The following SSH2 variants were observed in gnomAD, a reference collection of about 807,000 sequenced individuals.
SSH2 encodes the protein slingshot protein phosphatase 2.
Under a neutral mutation model 135.2 loss-of-function variants are expected in SSH2, and 37 were observed. The observed-to-expected ratio is 0.27, with a 90% confidence interval of 0.21 to 0.36. The LOEUF (loss-of-function observed/expected upper bound fraction) is 0.36, where lower values mean the gene tolerates loss of function less well. Among genes scored for constraint, SSH2 ranks in the 10% least tolerant of loss-of-function variants. The probability of loss-of-function intolerance (pLI) is 1.00; values close to 1 mark genes in which losing one functional copy is unlikely to be tolerated. For missense variants in SSH2, 1,408 were observed against 1,765.3 expected (o/e 0.80, Z 3.63); for synonymous variants, 628 against 646.2 (o/e 0.97, Z 0.43).
chr17:29,836,319 A>C (rs1326096024), intron 2 of SSH2, among the ~76,000 whole-genome samples: 1 of 151,968 alleles, frequency 6.6e-6, no homozygotes, highest in Non-Finnish European at 1.5e-5. Context: ...TTCCATTTGA[A>C]TTTTTCATAA....
intron 1 of SSH2, among the ~76,000 whole-genome samples, chr17:29,849,921 T>C (rs1169699083): frequency 7.0e-6 from 1 of 142,962 alleles, no homozygotes; most frequent in Non-Finnish European, 1.5e-5. Flanking sequence ...TCCCAGCTAC[T>C]AGGGAGGCTG....
intron 1 of SSH2, among the ~76,000 whole-genome samples, chr17:29,896,926 G>A (rs748487381): frequency 5.3e-5 from 8 of 151,734 alleles, no homozygotes; most frequent in Non-Finnish European, 8.8e-5. Context: ...AGGGGGGTAC[G>A]AAAATGAACA....
At chr17:29,843,663 C>T (rs1292753368) in intron 2 of SSH2, among the ~76,000 whole-genome samples, 1 of 152,078 alleles carries the variant, frequency 6.6e-6, no homozygotes, top group Non-Finnish European at 1.5e-5. Flanking sequence ...CATTCCAAAA[C>T]TTAAAACATA....
chr17:29,814,752 T>TA (rs1191603848), intron 2 of SSH2, among the ~76,000 whole-genome samples: 9 of 151,970 alleles, frequency 5.9e-5, no homozygotes, highest in South Asian at 2.1e-4. Flanking sequence ...ATATTTAAAA[T>TA]AAAAACATGA....
At chr17:29,778,342 A>T (rs1356073811) in intron 3 of SSH2, among the ~76,000 whole-genome samples, 1 of 152,182 alleles carries the variant, frequency 6.6e-6, no homozygotes, top group Non-Finnish European at 1.5e-5. Context: ...ATCTATAGTC[A>T]TAAGTCATGT....
chr17:29,819,509 A>C (rs1172884509), intron 2 of SSH2, among the ~76,000 whole-genome samples: 2 of 152,172 alleles, frequency 1.3e-5, no homozygotes, highest in African/African-American at 4.8e-5. Context: ...ATTAAAAAAA[A>C]CTCTCAAACT....
chr17:29,778,750 C>T (rs2041769471), intron 3 of SSH2, among the ~76,000 whole-genome samples: 1 of 136,618 alleles, frequency 7.3e-6, no homozygotes, highest in South Asian at 2.3e-4. Context: ...AGGAGAATTG[C>T]TTGAATGTTG....
intron 3 of SSH2, among the ~76,000 whole-genome samples, chr17:29,713,965 T>C (rs1345557349): frequency 6.6e-6 from 1 of 152,098 alleles, no homozygotes; most frequent in Non-Finnish European, 1.5e-5. Context: ...CTGACAGTGG[T>C]GGAGAGTTTT....
At chr17:29,748,150 A>G (rs1195151185) in intron 3 of SSH2, among the ~76,000 whole-genome samples, 1 of 152,210 alleles carries the variant, frequency 6.6e-6, no homozygotes, top group Admixed American at 6.5e-5. Context: ...GCTAAGCATG[A>G]TTCCAAGAAA....
Position 29,738,781 on chromosome 17 carries a change from A to C in SSH2, c.189-35719T>G, listed in dbSNP as rs568827240. ...GTGTTAGCCAGGATGGTCTCAATCTACTGACCTTGTGATCCGCCCGCCCCG... is the reference window on the plus strand; with the variant it reads ...GTGTTAGCCAGGATGGTCTCAATCTCCTGACCTTGTGATCCGCCCGCCCCG... On this transcript the variant is annotated intron_variant, in intron 3 of 15. Coordinates refer to ENST00000540801, the MANE Select transcript of SSH2 (RefSeq NM_001282129.2). Among the ~76,000 whole-genome samples, 10 of 151,740 alleles carry C rather than the reference A, an allele frequency of 6.6e-5. 1 individual carries two copies. In the South Asian group the frequency reaches 1.5e-3, roughly 22 times the overall value.
At chr17:29,661,723 G>T (rs1347752168) in intron 11 of SSH2, among the ~76,000 whole-genome samples, 1 of 152,176 alleles carries the variant, frequency 6.6e-6, no homozygotes, top group Admixed American at 6.5e-5. Flanking sequence ...TAAATCCTTC[G>T]TGGAACTCTG....
chr17:29,751,618 T>C (rs1015015174), intron 3 of SSH2, among the ~76,000 whole-genome samples: 1 of 152,206 alleles, frequency 6.6e-6, no homozygotes, highest in African/African-American at 2.4e-5. Flanking sequence ...AGTAATACAT[T>C]ATGCTACGAC....
intron 4 of SSH2, among the ~76,000 whole-genome samples, chr17:29,697,631 C>T (rs2038810623): frequency 6.6e-6 from 1 of 152,088 alleles, no homozygotes; most frequent in African/African-American, 2.4e-5. Flanking sequence ...CAGAGCAAGA[C>T]CTTATATTTA....
intron 1 of SSH2, among the ~76,000 whole-genome samples, chr17:29,898,118 T>C (rs1361777956): frequency 6.6e-6 from 1 of 151,706 alleles, no homozygotes; most frequent in Non-Finnish European, 1.5e-5. Context: ...CTCTGGGACA[T>C]ATTTAAAGCA....
At chr17:29,691,239 T>C (rs2038460394) in intron 5 of SSH2, among the ~76,000 whole-genome samples, 1 of 152,176 alleles carries the variant, frequency 6.6e-6, no homozygotes, top group East Asian at 1.9e-4. Context: ...AAAGACCTCT[T>C]TGTACCTTAT....
chr17:29,757,547 C>A (rs940404825), intron 3 of SSH2, among the ~76,000 whole-genome samples: 3 of 151,808 alleles, frequency 2.0e-5, no homozygotes, highest in African/African-American at 7.2e-5. Flanking sequence ...TAAAGTAATA[C>A]TAATAAATAC....
At chr17:29,858,306 TAC>T (rs1416141816) in intron 1 of SSH2, among the ~76,000 whole-genome samples, 1 of 152,220 alleles carries the variant, frequency 6.6e-6, no homozygotes, top group Non-Finnish European at 1.5e-5. Context: ...TTTATTATTT[TAC>T]AGTCTAGAGG....
intron 3 of SSH2, among the ~76,000 whole-genome samples, chr17:29,758,443 G>C (rs2041197745): frequency 6.6e-6 from 1 of 152,194 alleles, no homozygotes; most frequent in Admixed American, 6.6e-5. Context: ...AAATGAGATA[G>C]ATGTACATTA....
chr17:29,833,991 T>C (rs2042902362), intron 2 of SSH2, among the ~76,000 whole-genome samples: 1 of 149,256 alleles, frequency 6.7e-6, no homozygotes, highest in South Asian at 2.1e-4. Flanking sequence ...TTTTCTTTGA[T>C]GTTATGTTTT....
Sources: gnomAD v4.1 joint callset for allele counts (sites outside exome capture counted in the v4.1 genomes callset) on GRCh38, gnomAD v4.1.1 for gene constraint, MANE v1.5 for transcripts, NCBI Gene and HGNC (gene_info 2026-07-23, HGNC 2026-07-21) for gene names.